Variants in MATN2 observed in about 807,000 individuals in gnomAD.
The protein encoded by MATN2 is matrilin-2.
A neutral mutation model predicts 103.2 loss-of-function variants in MATN2; 69 were observed. That is an observed-to-expected ratio of 0.67 (90% CI 0.55 to 0.82). The LOEUF (loss-of-function observed/expected upper bound fraction) is 0.82, where lower values mean the gene tolerates loss of function less well. Ranked by LOEUF, MATN2 falls within the 40% of genes least tolerant of loss-of-function variation. MATN2 has a pLI of 0.00. For synonymous variants in MATN2, 429 were observed against 450.2 expected, an observed-to-expected ratio of 0.95 and a Z score of 0.60; for missense variants, 1,023 against 1,211.5, an observed-to-expected ratio of 0.84 and a Z score of 2.31.
intron 7 of MATN2, among the ~76,000 whole-genome samples, chr8:97,996,375 G>A (rs1364879987): frequency 6.6e-6 from 1 of 152,156 alleles, no homozygotes; most frequent in African/African-American, 2.4e-5. Flanking sequence ...GAGTAGAGAG[G>A]GAGTGACCGT....
In MATN2 at chr8:97,940,755, G is replaced by A. The variant is rs571492393; in HGVS notation, c.713-1022G>A. Among the ~76,000 whole-genome samples, 7 of 152,238 alleles carry A rather than the reference G, an allele frequency of 4.6e-5. No individual in the cohort carries two copies. In the South Asian group the frequency reaches 1.5e-3, roughly 32 times the overall value. ...GCTTGTTAATTTTAAATACAATCAA[G>A]TTACATTGAGTAAAGTCATAAATTA... On this transcript the variant is annotated intron_variant, in intron 3 of 18. Coordinates refer to ENST00000254898, the MANE Select transcript of MATN2 (RefSeq NM_002380.5).
Position 98,021,261 on chromosome 8 carries a change from G to A in MATN2, c.1876G>A (p.Gly626Arg). 6.2e-7 allele frequency: 1 copy of A among 1,613,682 alleles called. No homozygotes were observed. Among genetic ancestry groups the A allele is most frequent in the Non-Finnish European group, 8.5e-7 (1 of 1,179,676 alleles). Residue 626 changes from glycine (G) to arginine (R), a missense_variant, in exon 13 of 19, where the codon GGG (glycine) becomes AGG (arginine). Transcript: ENST00000254898. Reference protein sequence around the residue: ...HGCEHICVNNGNSYICKCSEG... With the variant: ...HGCEHICVNNRNSYICKCSEG... ...CTGCGAACACATTTGTGTTAATAAT[G>A]GGAATTCCTACATCTGCAAATGCTC...
intron 5 of MATN2, among the ~76,000 whole-genome samples, chr8:97,964,067 A>G (rs185171281): frequency 3.5e-3 from 526 of 152,286 alleles, no homozygotes; most frequent in Non-Finnish European, 4.9e-3. Context: ...TGTCCAAGGC[A>G]GGGGGAGAGA....
chr8:98,023,488 T>G (rs934213810), intron 13 of MATN2, among the ~76,000 whole-genome samples: 1 of 151,970 alleles, frequency 6.6e-6, no homozygotes, highest in Non-Finnish European at 1.5e-5. Context: ...CTGGGCAACA[T>G]GGTGAAACCC....
At chr8:97,968,435 C>T (rs2444871) in intron 5 of MATN2, among the ~76,000 whole-genome samples, 121,231 of 152,186 alleles carry the variant, frequency 0.8, 48,624 homozygotes, top group Admixed American at 0.85. Context: ...TTTCCAAACT[C>T]GTACATTCTG....
rs563873541 is a variant in MATN2 at position 98,016,671 on chromosome 8, G to A, written c.1696+9G>A. 4 of 1,609,220 alleles carry A rather than the reference G, an allele frequency of 2.5e-6. No homozygotes were observed. In the African/African-American group the frequency reaches 4.0e-5, roughly 16 times the overall value. ...TGGAAAAACCTGCAGAAGTAAGTTTGTACTGGAGCTGGCTCCTACTACTAT... is the reference window on the plus strand; with the variant it reads ...TGGAAAAACCTGCAGAAGTAAGTTTATACTGGAGCTGGCTCCTACTACTAT... On this transcript the variant is annotated intron_variant, in intron 11 of 18. Coordinates refer to ENST00000254898, the MANE Select transcript of MATN2 (RefSeq NM_002380.5).
At chr8:97,937,999 C>G (rs1221619014) in intron 3 of MATN2, among the ~76,000 whole-genome samples, 10 of 152,176 alleles carry the variant, frequency 6.6e-5, no homozygotes, top group Admixed American at 6.5e-4. Context: ...GCCATCCTCT[C>G]CCCACGATGC....
At chr8:97,937,583 C>CTTTTTTTTTTT (rs376203275) in intron 3 of MATN2, among the ~76,000 whole-genome samples, 3 of 89,812 alleles carry the variant, frequency 3.3e-5, no homozygotes, top group African/African-American at 4.6e-5. Context: ...TCCCCACTAA[C>CTTTTTTTTTTT]TTTTTTTTTT....
At chr8:97,912,784 G>A (rs568731270) in intron 2 of MATN2, among the ~76,000 whole-genome samples, 3 of 152,198 alleles carry the variant, frequency 2.0e-5, no homozygotes, top group African/African-American at 4.8e-5. Context: ...AGTAGAGAGT[G>A]GGGGTGATAC....
intron 1 of MATN2, among the ~76,000 whole-genome samples, chr8:97,878,414 G>A (rs1016141175): frequency 5.9e-5 from 9 of 151,850 alleles, no homozygotes; most frequent in African/African-American, 1.2e-4. Context: ...ATACAAAAAC[G>A]TGGGGGTACT....
chr8:97,918,677 T>A (rs1809713832), intron 2 of MATN2, among the ~76,000 whole-genome samples: 1 of 152,142 alleles, frequency 6.6e-6, no homozygotes, highest in African/African-American at 2.4e-5. Context: ...GAGTTGAGCT[T>A]TATCTCCTGG....
At chr8:97,953,976 T>C (rs1246855495) in intron 4 of MATN2, among the ~76,000 whole-genome samples, 1 of 151,844 alleles carries the variant, frequency 6.6e-6, no homozygotes. Flanking sequence ...AAATTAAAAA[T>C]AAAAAAATAA....
At chr8:98,013,776 G>A (rs755624490) in intron 10 of MATN2, among the ~76,000 whole-genome samples, 1 of 152,144 alleles carries the variant, frequency 6.6e-6, no homozygotes, top group African/African-American at 2.4e-5. Context: ...TAACTTTCAG[G>A]TATGCCTTCA....
rs558538475 is a variant in MATN2 at position 98,023,608 on chromosome 8, C to T, written c.1942+2281C>T. On this transcript the variant is annotated intron_variant, in intron 13 of 18. Coordinates refer to ENST00000254898, the MANE Select transcript of MATN2 (RefSeq NM_002380.5). ...ATCACCTGAGTGCAGGAGGTTGAGGCTACAGTGAGTTGTGATTGTGCCACT... is the reference window on the plus strand; with the variant it reads ...ATCACCTGAGTGCAGGAGGTTGAGGTTACAGTGAGTTGTGATTGTGCCACT... Among the ~76,000 whole-genome samples the T allele has an allele frequency of 5.3e-5, 8 of 152,120 alleles. No homozygotes were observed. The East Asian group carries it at 9.7e-4, about 18-fold the overall frequency.
intron 17 of MATN2, 57 bp downstream of exon 17, chr8:98,033,233 CA>C: frequency 4.1e-6 from 6 of 1,459,436 alleles, no homozygotes; most frequent in Non-Finnish European, 5.5e-6. Flanking sequence ...TTCGGCTTGC[CA>C]ACAACCTTAG....
chr8:97,939,324 G>A (rs1046538131), intron 3 of MATN2, among the ~76,000 whole-genome samples: 1 of 152,054 alleles, frequency 6.6e-6, no homozygotes, highest in Non-Finnish European at 1.5e-5. Flanking sequence ...ACTAGACGGC[G>A]CATCACCATT....
chr8:97,902,330 T>C (rs959302917), intron 2 of MATN2, among the ~76,000 whole-genome samples: 11 of 151,122 alleles, frequency 7.3e-5, no homozygotes, highest in African/African-American at 2.7e-4. Context: ...ACCCCGTCTC[T>C]ACTAAAAATA....
intron 1 of MATN2, among the ~76,000 whole-genome samples, chr8:97,881,641 C>A (rs988285402): frequency 6.6e-6 from 1 of 152,222 alleles, no homozygotes; most frequent in Non-Finnish European, 1.5e-5. Flanking sequence ...CACAGAAATT[C>A]TTCTCAGATG....
chr8:98,007,593 C>G lies in MATN2; in HGVS notation c.1565C>G (p.Thr522Arg), dbSNP rs754086233. The G allele has an allele frequency of 2.1e-5, 34 of 1,610,892 alleles. No individual in the cohort carries two copies. The South Asian group carries it at 2.5e-4, about 12-fold the overall frequency. Reference sequence around the variant, plus strand: ...CACGTGCTCCGCAGCGATGGGAAGACGTGTGCAAGTAAGTGTCTGAAGGAC... The same window carrying G: ...CACGTGCTCCGCAGCGATGGGAAGAGGTGTGCAAGTAAGTGTCTGAAGGAC... ...EGHVLRSDGK[T>R]CAKLDSCALG... Residue 522 changes from threonine (T) to arginine (R), a missense_variant, in exon 10 of 19, where the codon ACG becomes AGG. Transcript: ENST00000254898. This position sits in a 1 kb window ranked among gnomAD's most constrained non-coding sequence, Gnocchi z 4.2.
Sources: allele counts gnomAD v4.1 joint callset (sites outside exome capture counted in the v4.1 genomes callset), GRCh38; gene constraint gnomAD v4.1.1; non-coding constraint Gnocchi (gnomAD v3.1); transcripts MANE v1.5; gene names NCBI Gene and HGNC (gene_info 2026-07-23, HGNC 2026-07-21).